The following SERPINB12 variants were observed in gnomAD, a reference collection of about 807,000 sequenced individuals.
The protein encoded by SERPINB12 is serpin family B member 12.
SERPINB12 carries 57 observed loss-of-function variants against 41.1 expected under a neutral mutation model. The observed-to-expected ratio is 1.39, with a 90% confidence interval of 1.12 to 1.73. The LOEUF (loss-of-function observed/expected upper bound fraction) is 1.73. Ranked by LOEUF, SERPINB12 falls within the 40% of genes most tolerant of loss-of-function variation. SERPINB12 has a pLI of 0.00. For missense variants in SERPINB12, 536 were observed against 501.9 expected, an observed-to-expected ratio of 1.07 and a Z score of -0.65; for synonymous variants, 180 against 181.3, an observed-to-expected ratio of 0.99 and a Z score of 0.06.
chr18:63,564,066 G>A lies in SERPINB12; in HGVS notation c.651G>A (p.Trp217Ter), dbSNP rs774475618. The A allele has an allele frequency of 3.1e-6, 5 of 1,614,026 alleles. No homozygotes were observed. The highest frequency in any genetic ancestry group is 4.2e-6 in the Non-Finnish European group (5 of 1,179,992). Residue 217 changes from tryptophan (W) to a stop codon, truncating the protein, a stop_gained, in exon 6 of 8, where the codon TGG (tryptophan) becomes TGA (stop). Transcript: ENST00000382768. LOFTEE classifies it high-confidence loss of function. ...LVNAVYFKAK[W>*]ETYFDHENTV... is the part of the protein sequence containing the mutation. ...ATGCTGTTTACTTCAAGGCCAAATG[G>A]GAAACATACTTTGACCATGAAAACA...
the SERPINB12 span, among the ~76,000 whole-genome samples, chr18:63,531,113 A>T: frequency 1.6e-4 from 24 of 152,330 alleles, no homozygotes; most frequent in South Asian, 5.0e-3. Context: ...TTAAATGTGC[A>T]GGAGTTTGCC....
the SERPINB12 span, among the ~76,000 whole-genome samples, chr18:63,531,637 T>C: frequency 6.6e-6 from 1 of 152,216 alleles, no homozygotes; most frequent in African/African-American, 2.4e-5. Context: ...ATACTCAGTT[T>C]AGTGCCTGGC....
chr18:63,551,691 A>C (rs962589360), intron 1 of SERPINB12, among the ~76,000 whole-genome samples: 3 of 152,226 alleles, frequency 2.0e-5, no homozygotes, highest in African/African-American at 7.2e-5. Context: ...ATATTTTAAA[A>C]AAATTCTTAA....
At chr18:63,549,612 T>C (rs1332975551) in intron 1 of SERPINB12, among the ~76,000 whole-genome samples, 1 of 152,048 alleles carries the variant, frequency 6.6e-6, no homozygotes, top group Non-Finnish European at 1.5e-5. Flanking sequence ...GAAGGATTTT[T>C]TGAGTAATTT....
At chr18:63,535,881 A>G in the SERPINB12 span, among the ~76,000 whole-genome samples, 1 of 152,132 alleles carries the variant, frequency 6.6e-6, no homozygotes, top group South Asian at 2.1e-4. Context: ...ATGCATATAT[A>G]TATGTATTCA....
chr18:63,568,902 G>A lies in SERPINB12; in HGVS notation c.*1891G>A, dbSNP rs968772536. 5.3e-5 allele frequency among the ~76,000 whole-genome samples: 8 copies of A among 152,204 alleles called. No homozygotes were observed. The highest frequency in any genetic ancestry group is 1.9e-4 in the East Asian group (1 of 5,186). ...CCTAAAACAATTTGACGTTGGTAAC[G>A]TGAGGCAGTTTGAGGCAGTGCCCTA... On this transcript the variant is annotated 3_prime_UTR_variant, in exon 8 of 8. Transcript: ENST00000382768.
In SERPINB12 at chr18:63,568,061, T is replaced by C. The variant is rs1911174324; in HGVS notation, c.*1050T>C. Reference sequence around the variant, plus strand: ...GCCAGACCACATGGTGACAACAGGCTTGAGCCTGGGCATGGTGTCCATAGC... The same window carrying C: ...GCCAGACCACATGGTGACAACAGGCCTGAGCCTGGGCATGGTGTCCATAGC... On this transcript the variant is annotated 3_prime_UTR_variant, in exon 8 of 8. Transcript: ENST00000382768. Among the ~76,000 whole-genome samples the C allele has an allele frequency of 6.6e-6, 1 of 152,228 alleles. No individual in the cohort carries two copies. Among genetic ancestry groups the C allele is most frequent in the African/African-American group, 2.4e-5 (1 of 41,456 alleles).
At chr18:63,521,760 A>G in the SERPINB12 span, among the ~76,000 whole-genome samples, 9 of 152,344 alleles carry the variant, frequency 5.9e-5, no homozygotes, top group African/African-American at 1.9e-4. Flanking sequence ...GAACACCTCC[A>G]GTAATGGAAT....
chr18:63,565,600 G>T lies in SERPINB12; in HGVS notation c.861G>T (p.Lys287Asn), dbSNP rs112743095. 2.5e-6 allele frequency: 4 copies of T among 1,607,786 alleles called. No homozygotes were observed. The highest frequency in any genetic ancestry group is 1.3e-5 in the African/African-American group (1 of 74,526). ...CATCTCACTCTAAAGATAACCTGAA[G>T]GGTCTGGAAGAGGTAAATCTTCATT... is the stretch of plus-strand genomic sequence containing the variant. Reference protein sequence around the residue: ...LLPSHSKDNLKGLEELERKIT... With the variant: ...LLPSHSKDNLNGLEELERKIT... Residue 287 changes from lysine (K) to asparagine (N), a missense_variant, in exon 7 of 8, where the codon AAG (lysine) becomes AAT (asparagine). By Grantham distance (94) the Lys-to-Asn change is moderately conservative (BLOSUM62 0). Coordinates refer to ENST00000382768, the MANE Select transcript of SERPINB12 (RefSeq NM_001307928.2).
the SERPINB12 span, among the ~76,000 whole-genome samples, chr18:63,537,098 G>A: frequency 6.6e-6 from 1 of 152,252 alleles, no homozygotes; most frequent in African/African-American, 2.4e-5. Context: ...AATTAAATAT[G>A]TTATCAAGAG....
At chr18:63,560,207 C>G (rs1568130048) in intron 4 of SERPINB12, among the ~76,000 whole-genome samples, 2 of 152,336 alleles carry the variant, frequency 1.3e-5, no homozygotes, top group African/African-American at 2.4e-5. Flanking sequence ...GCATTTGGAG[C>G]TGAAAGGCAC....
chr18:63,544,565 G>A (rs969979879), intron 1 of SERPINB12, among the ~76,000 whole-genome samples: 6 of 152,020 alleles, frequency 3.9e-5, no homozygotes, highest in African/African-American at 1.4e-4. Flanking sequence ...TTTTCTATGT[G>A]TTCTTTGCTG....
rs568897269 is a variant in SERPINB12 at position 63,565,214 on chromosome 18, C to G, written c.706-231C>G. The stretch of plus-strand genomic sequence containing the variant: ...AAACAAAAAAGCAAACACCTGGCCC[C>G]CATCCCCGTCACTCCACAACAAAAA... On this transcript the variant is annotated intron_variant, in intron 6 of 7. Transcript: ENST00000382768. Among the ~76,000 whole-genome samples, 8 of 152,144 alleles carry G rather than the reference C, an allele frequency of 5.3e-5. No homozygotes were observed. The South Asian group carries it at 1.7e-3, about 32-fold the overall frequency.
chr18:63,540,918 T>G (rs1020180517), upstream of SERPINB12, among the ~76,000 whole-genome samples: 4 of 152,188 alleles, frequency 2.6e-5, no homozygotes, highest in African/African-American at 4.8e-5. Context: ...CAAATTAGTA[T>G]GAGCTCAGCT....
chr18:63,532,069 T>C, the SERPINB12 span, among the ~76,000 whole-genome samples: 1 of 152,184 alleles, frequency 6.6e-6, no homozygotes, highest in African/African-American at 2.4e-5. Flanking sequence ...TACAAACCTA[T>C]CAGATGGATT....
rs901908309 is a variant in SERPINB12, at chr18:63,566,742, A to T, written c.1009A>T (p.Met337Leu). The change falls in exon 8 of 8, where the codon ATG (methionine) becomes TTG (leucine). Residue 337 changes from methionine to leucine, a missense_variant. Transcript: ENST00000382768. The part of the protein sequence containing the change: ...SYDLNSILQD[M>L]GITDIFDETR... ...TGATCTCAATTCCATTTTACAAGAC[A>T]TGGGCATTACGGATATCTTTGATGA... 1.2e-6 allele frequency: 2 copies of T among 1,614,044 alleles called. No individual in the cohort carries two copies. The highest frequency in any genetic ancestry group is 2.7e-5 in the African/African-American group (2 of 74,926).
At chr18:63,541,490 A>G (rs900364792), upstream of SERPINB12, among the ~76,000 whole-genome samples, 1 of 152,156 alleles carries the variant, frequency 6.6e-6, no homozygotes, top group East Asian at 1.9e-4. Flanking sequence ...GCTTTGCTTT[A>G]AGACTGCAAA....
In SERPINB12 at chr18:63,565,510, G is replaced by C; in HGVS notation, c.771G>C (p.Glu257Asp). Residue 257 changes from glutamate to aspartate, a missense_variant, in exon 7 of 8, where the codon GAG becomes GAC. Coordinates refer to ENST00000382768, the MANE Select transcript of SERPINB12 (RefSeq NM_001307928.2). Reference sequence around the variant, plus strand: ...TCTACAGAATTGGCTTCATAGAGGAGGTGAAGGCACAGATCCTGGAAATGA... The same window carrying C: ...TCTACAGAATTGGCTTCATAGAGGACGTGAAGGCACAGATCCTGGAAATGA... ...KGLYRIGFIE[E>D]VKAQILEMRY... is the part of the protein sequence containing the mutation. 6.2e-7 allele frequency: 1 copy of C among 1,614,072 alleles called. No individual in the cohort carries two copies.
At chr18:63,545,688 C>T (rs954589993) in intron 1 of SERPINB12, among the ~76,000 whole-genome samples, 42 of 152,184 alleles carry the variant, frequency 2.8e-4, no homozygotes, top group Admixed American at 2.4e-3. Context: ...GTGACACCTA[C>T]TTCCAGGAAG....
Sources: gnomAD v4.1 joint callset for allele counts (sites outside exome capture counted in the v4.1 genomes callset) on GRCh38, gnomAD v4.1.1 for gene constraint, MANE v1.5 for transcripts, NCBI Gene and HGNC (gene_info 2026-07-23, HGNC 2026-07-21) for gene names.